Variants in YKT6 observed in about 807,000 individuals in gnomAD.
YKT6 encodes YKT6 vesicular SNARE protein.
YKT6 carries 12 observed loss-of-function variants against 29.3 expected under a neutral mutation model. The ratio of observed to expected loss-of-function variants is 0.41; its 90% confidence interval spans 0.26 to 0.66. The LOEUF is 0.66. YKT6 is among the 30% of genes least tolerant of loss of function. The pLI, the probability that YKT6 is intolerant of heterozygous loss-of-function variation, is 0.32. For synonymous variants in YKT6, 86 were observed against 94.3 expected, an observed-to-expected ratio of 0.91 and a Z score of 0.51; for missense variants, 188 against 243.8, an observed-to-expected ratio of 0.77 and a Z score of 1.52.
intron 2 of YKT6, among the ~76,000 whole-genome samples, chr7:44,206,140 T>G (rs2096340571): frequency 6.6e-6 from 1 of 152,192 alleles, no homozygotes; most frequent in African/African-American, 2.4e-5. Flanking sequence ...GGCTGTTTCT[T>G]TAAGCCCTGG....
intron 2 of YKT6, among the ~76,000 whole-genome samples, chr7:44,205,029 A>G (rs2096339422): frequency 6.6e-6 from 1 of 152,234 alleles, no homozygotes; most frequent in African/African-American, 2.4e-5. Flanking sequence ...AGGAATCTGA[A>G]AAAACTATTT....
intron 5 of YKT6, among the ~76,000 whole-genome samples, chr7:44,209,641 C>T (rs2096344591): frequency 6.6e-6 from 1 of 152,204 alleles, no homozygotes; most frequent in Non-Finnish European, 1.5e-5. Context: ...TTGAGTCGCT[C>T]AGCTGTGTGT....
chr7:44,209,467 A>G (rs1336027868), intron 5 of YKT6, among the ~76,000 whole-genome samples: 4 of 152,206 alleles, frequency 2.6e-5, no homozygotes, highest in Non-Finnish European at 5.9e-5. Context: ...TCTGTTGCTC[A>G]AGTCCTAGTC....
rs2096349596 is a variant in YKT6 at position 44,214,001 on chromosome 7, T to G, written c.*1719T>G. On this transcript the variant is annotated 3_prime_UTR_variant, in exon 7 of 7. Coordinates refer to ENST00000223369, the MANE Select transcript of YKT6 (RefSeq NM_006555.4). The stretch of plus-strand genomic sequence containing the variant: ...GATCCGAGGGATGCTACCTCTCCCT[T>G]TCCCACTTGAGGACCCTGGGGAGAG... 1.3e-5 allele frequency: 2 copies of G among 152,530 alleles called. No homozygotes were observed. The highest frequency in any genetic ancestry group is 1.3e-4 in the Admixed American group (2 of 15,286). The allele number at this position is 152,530 out of a possible 1,614,324, so 9.4% of individuals were successfully genotyped here.
At position 44,206,435 on chromosome 7, in the gene YKT6, A is replaced by C; in HGVS notation, c.238A>C (p.Ile80Leu). The C allele has an allele frequency of 1.2e-6, 2 of 1,614,122 alleles. No homozygotes were observed. Among genetic ancestry groups the C allele is most frequent in the South Asian group, 1.1e-5 (1 of 91,076 alleles). ...VRNDSLAGVV[I>L]ADNEYPSRVA... is the part of the protein sequence containing the mutation. ...GAATGATAGTCTTGCAGGTGTGGTC[A>C]TTGCTGACAATGAATACCCATCCCG... The change falls in exon 3 of 7, where the codon ATT (isoleucine) becomes CTT (leucine). Residue 80 changes from isoleucine to leucine, a missense_variant. By Grantham distance (5) the Ile-to-Leu change is conservative (BLOSUM62 2). Around this residue, in one of 3 missense-constraint regions of YKT6, gnomAD observed 100 missense variants for 136.3 expected, o/e 0.73. Transcript: ENST00000223369.
intron 5 of YKT6, among the ~76,000 whole-genome samples, chr7:44,210,463 A>C (rs1401379639): frequency 6.6e-6 from 1 of 152,200 alleles, no homozygotes; most frequent in Non-Finnish European, 1.5e-5. Context: ...TCATGGAATT[A>C]GATGCCACCC....
intron 2 of YKT6, 88 bp from the exon 3 acceptor site, chr7:44,206,297 T>C (rs2096340793): frequency 1.4e-6 from 2 of 1,390,098 alleles, no homozygotes; most frequent in Non-Finnish European, 2.0e-6. Flanking sequence ...TCATTTGGCC[T>C]AACATTGGAT....
intron 3 of YKT6, 73 bp downstream of exon 3, chr7:44,206,558 T>A (rs2128839414): frequency 7.7e-7 from 1 of 1,298,218 alleles, no homozygotes; most frequent in Non-Finnish European, 1.1e-6. Context: ...CAGGGGTTGA[T>A]GGCAGTCCCT....
At chr7:44,205,513 C>A (rs1294453846) in intron 2 of YKT6, among the ~76,000 whole-genome samples, 1 of 152,214 alleles carries the variant, frequency 6.6e-6, no homozygotes. Flanking sequence ...TCTCATTTAT[C>A]TCTGCTCTTT....
intron 2 of YKT6, among the ~76,000 whole-genome samples, chr7:44,205,330 C>T (rs773371388): frequency 1.3e-5 from 2 of 152,208 alleles, no homozygotes; most frequent in Non-Finnish European, 2.9e-5. Flanking sequence ...TCAAACTGTG[C>T]CTGCCCTTCC....
intron 1 of YKT6, among the ~76,000 whole-genome samples, chr7:44,201,810 G>A (rs187305843): frequency 5.7e-4 from 86 of 151,970 alleles, no homozygotes; most frequent in African/African-American, 1.8e-3. Flanking sequence ...ACTTTTTTTT[G>A]TTTGTTTTTA....
rs780574693 is a variant in YKT6, at chr7:44,211,156, G to A, written c.561+32G>A. Reference sequence around the variant, plus strand: ...ACCCAGCACCTGCTGCCTCCTGGGTGTTCTCTCTAGAGAGCAGTCGCAGCT... The same window carrying A: ...ACCCAGCACCTGCTGCCTCCTGGGTATTCTCTCTAGAGAGCAGTCGCAGCT... On this transcript the variant is annotated intron_variant, in intron 6 of 6. Transcript: ENST00000223369. 3.1e-6 allele frequency: 5 copies of A among 1,590,922 alleles called. No homozygotes were observed. The South Asian group carries it at 5.6e-5, about 18-fold the overall frequency.
chr7:44,205,493 T>TC (rs1288158759), intron 2 of YKT6, among the ~76,000 whole-genome samples: 1 of 152,228 alleles, frequency 6.6e-6, no homozygotes, highest in African/African-American at 2.4e-5. Context: ...TTCCTCCTCC[T>TC]CATTCTTGTT....
In YKT6 at chr7:44,212,603, G is replaced by C. The variant is rs1045386252; in HGVS notation, c.*321G>C. On this transcript the variant is annotated 3_prime_UTR_variant, in exon 7 of 7. Transcript: ENST00000223369. Reference sequence around the variant, plus strand: ...CCCTGGGAAGGCTCTGTGGGAGGGAGGTCGGAGCCAGCTGTTTCTCGATCT... The same window carrying C: ...CCCTGGGAAGGCTCTGTGGGAGGGACGTCGGAGCCAGCTGTTTCTCGATCT... 150 of 344,134 alleles carry C rather than the reference G, an allele frequency of 4.4e-4. 1 individual carries two copies. Among genetic ancestry groups the C allele is most frequent in the African/African-American group, 2.8e-3 (132 of 47,764 alleles). The allele number at this position is 344,134 out of a possible 1,614,324, so 21.3% of individuals were successfully genotyped here.
chr7:44,208,205 A>G lies in YKT6; in HGVS notation c.459+7A>G. 1.9e-6 allele frequency: 3 copies of G among 1,613,930 alleles called. No homozygotes were observed. Among genetic ancestry groups the G allele is most frequent in the Non-Finnish European group, 2.5e-6 (3 of 1,179,904 alleles). On this transcript the variant is annotated splice_region_variant and intron_variant, in intron 5 of 6. Transcript: ENST00000223369. Reference sequence around the variant, plus strand: ...TGAGACCAAAATCATTCTGGTAAGCAGGAAGATGGAGAGCAAGCCCAAGAA... The same window carrying G: ...TGAGACCAAAATCATTCTGGTAAGCGGGAAGATGGAGAGCAAGCCCAAGAA...
In YKT6 at chr7:44,213,376, TC is replaced by T. The variant is rs2096348980; in HGVS notation, c.*1096del. 1 of 152,308 alleles carries T rather than the reference TC, an allele frequency of 6.6e-6. No individual in the cohort carries two copies. The highest frequency in any genetic ancestry group is 1.5e-5 in the Non-Finnish European group (1 of 68,114). 9.4% of individuals were successfully genotyped at this position (152,308 alleles called of 1,614,324 possible). A position where few individuals can be genotyped will look rare whatever the true frequency, so the allele number is the denominator to read the frequency against. On this transcript the variant is annotated 3_prime_UTR_variant, in exon 7 of 7. Coordinates refer to ENST00000223369, the MANE Select transcript of YKT6 (RefSeq NM_006555.4). ...GTCTTGCCAGCATAGGCTTGCTAGT[TC>T]CTTCTTGGTCAGAGGTAGCTGCAGA...
intron 1 of YKT6, among the ~76,000 whole-genome samples, 171 bp downstream of exon 1, chr7:44,201,410 C>G (rs988061049): frequency 7.0e-5 from 6 of 86,048 alleles, no homozygotes; most frequent in African/African-American, 2.8e-4. Context: ...GGCTGGTGTC[C>G]GAGTCAGAGG....
intron 6 of YKT6, chr7:44,211,448 C>A: frequency 1.3e-6 from 1 of 779,648 alleles, no homozygotes; most frequent in South Asian, 3.9e-5. Context: ...CAGAGATTTA[C>A]TGTTGAATCT....
intron 4 of YKT6, 37 bp from the exon 5 acceptor site, chr7:44,208,096 T>C (rs2128839857): frequency 3.1e-6 from 5 of 1,608,234 alleles, no homozygotes; most frequent in Non-Finnish European, 4.3e-6. Flanking sequence ...AGGTAGCCAC[T>C]CCAGTCCTGA....
Sources: allele counts gnomAD v4.1 joint callset (sites outside exome capture counted in the v4.1 genomes callset), GRCh38; gene constraint gnomAD v4.1.1; regional missense constraint gnomAD v4.1.1; transcripts MANE v1.5; gene names NCBI Gene and HGNC (gene_info 2026-07-23, HGNC 2026-07-21).